MBOAT2: variants seen among roughly 807,000 people sequenced by gnomAD.
The protein encoded by MBOAT2 is membrane-bound glycerophospholipid O-acyltransferase 2.
In MBOAT2, 28 loss-of-function variants were observed where a neutral mutation model predicts 63.4. The observed-to-expected ratio is 0.44, with a 90% CI of 0.33 to 0.61. The LOEUF (loss-of-function observed/expected upper bound fraction) is 0.61, where lower values mean the gene tolerates loss of function less well. Ranked by LOEUF, MBOAT2 falls within the 20% of genes least tolerant of loss-of-function variation. The pLI is 0.03. For synonymous variants in MBOAT2, 211 were observed against 215.6 expected, an observed-to-expected ratio of 0.98 and a Z score of 0.19; for missense variants, 470 against 605.8, an observed-to-expected ratio of 0.78 and a Z score of 2.35.
chr2:8,944,316 G>A (rs1163201529), intron 2 of MBOAT2, among the ~76,000 whole-genome samples: 1 of 152,126 alleles, frequency 6.6e-6, no homozygotes, highest in Non-Finnish European at 1.5e-5. Flanking sequence ...GTCCGTGCAT[G>A]CACACACACT....
chr2:8,897,751 C>T (rs575920018), intron 4 of MBOAT2, among the ~76,000 whole-genome samples: 13 of 152,236 alleles, frequency 8.5e-5, no homozygotes, highest in South Asian at 8.3e-4. Flanking sequence ...TCATCTTGGG[C>T]GGCAAAACTC....
intron 3 of MBOAT2, among the ~76,000 whole-genome samples, chr2:8,913,057 ATC>A (rs1294278246): frequency 1.3e-5 from 2 of 152,202 alleles, no homozygotes; most frequent in East Asian, 3.9e-4. Flanking sequence ...CAGCCAACTG[ATC>A]TTCAACAAAG....
chr2:8,895,720 G>A (rs1664408675), intron 4 of MBOAT2, among the ~76,000 whole-genome samples: 1 of 152,180 alleles, frequency 6.6e-6, no homozygotes, highest in African/African-American at 2.4e-5. Flanking sequence ...GAGCGAAGAA[G>A]GGGCCCTGCA....
chr2:8,872,581 C>T (rs1362222155), intron 8 of MBOAT2, among the ~76,000 whole-genome samples: 1 of 152,156 alleles, frequency 6.6e-6, no homozygotes, highest in Non-Finnish European at 1.5e-5. Context: ...CATAACTGGC[C>T]CACATTCAAT....
At chr2:8,968,454 T>C (rs1340778483) in intron 1 of MBOAT2, among the ~76,000 whole-genome samples, 1 of 152,028 alleles carries the variant, frequency 6.6e-6, no homozygotes, top group Non-Finnish European at 1.5e-5. Context: ...AAGCTGAAAA[T>C]TCTAAAAATC....
At chr2:8,963,870 G>A (rs1669800957) in intron 1 of MBOAT2, among the ~76,000 whole-genome samples, 1 of 152,094 alleles carries the variant, frequency 6.6e-6, no homozygotes. Flanking sequence ...CTAACTGTAG[G>A]TGCTCAGTAG....
intron 2 of MBOAT2, among the ~76,000 whole-genome samples, chr2:8,955,117 C>G (rs73157445): frequency 0.027 from 4,108 of 152,316 alleles, 155 homozygotes; most frequent in African/African-American, 0.086. Context: ...CACTCCAGAG[C>G]AGGTGCTCTA....
chr2:8,877,278 C>T (rs1476593236), intron 6 of MBOAT2, 65 bp from the exon 7 acceptor site: 13 of 1,430,976 alleles, frequency 9.1e-6, no homozygotes, highest in South Asian at 4.0e-5. Flanking sequence ...GATAGAATAA[C>T]GATCCACCTC....
chr2:8,901,100 T>C (rs1233175073), intron 4 of MBOAT2, among the ~76,000 whole-genome samples: 6 of 152,256 alleles, frequency 3.9e-5, no homozygotes, highest in Non-Finnish European at 8.8e-5. Flanking sequence ...CTGATCGGAA[T>C]AGTTGTGCTC....
intron 3 of MBOAT2, among the ~76,000 whole-genome samples, chr2:8,925,053 G>GA (rs1340729096): frequency 2.0e-5 from 3 of 152,080 alleles, no homozygotes; most frequent in Non-Finnish European, 4.4e-5. Flanking sequence ...GAGCAACTGA[G>GA]AAAGATGATC....
intron 1 of MBOAT2, among the ~76,000 whole-genome samples, chr2:8,964,796 A>G (rs1669873059): frequency 6.6e-6 from 1 of 152,204 alleles, no homozygotes; most frequent in Non-Finnish European, 1.5e-5. Context: ...AATATAAAAC[A>G]TTATTTCTCT....
intron 2 of MBOAT2, among the ~76,000 whole-genome samples, chr2:8,957,416 AG>A (rs1256322427): frequency 6.6e-6 from 1 of 152,238 alleles, no homozygotes; most frequent in Non-Finnish European, 1.5e-5. Flanking sequence ...CTACCAGGGC[AG>A]TACCTAGCAC....
At chr2:8,867,505 C>T (rs953689660) in intron 9 of MBOAT2, among the ~76,000 whole-genome samples, 12 of 152,134 alleles carry the variant, frequency 7.9e-5, no homozygotes, top group African/African-American at 2.4e-4. Flanking sequence ...CATGATCTGC[C>T]TCGTGGACAA....
At chr2:8,955,411 A>G (rs1669144701) in intron 2 of MBOAT2, among the ~76,000 whole-genome samples, 1 of 152,176 alleles carries the variant, frequency 6.6e-6, no homozygotes, top group Non-Finnish European at 1.5e-5. Flanking sequence ...CCTCTCTCAC[A>G]TACTGGGGCT....
intron 3 of MBOAT2, among the ~76,000 whole-genome samples, chr2:8,928,922 G>A (rs950064182): frequency 6.6e-6 from 1 of 152,202 alleles, no homozygotes; most frequent in African/African-American, 2.4e-5. Flanking sequence ...GGGACTCTCA[G>A]AGATCTCTGG....
intron 2 of MBOAT2, among the ~76,000 whole-genome samples, chr2:8,953,204 T>C (rs1257723870): frequency 6.6e-6 from 1 of 152,236 alleles, no homozygotes; most frequent in Non-Finnish European, 1.5e-5. Flanking sequence ...AAGAGTCTAG[T>C]TCTCCTTCAC....
chr2:8,867,941 G>A (rs1662019864), intron 9 of MBOAT2, among the ~76,000 whole-genome samples: 1 of 152,168 alleles, frequency 6.6e-6, no homozygotes, highest in African/African-American at 2.4e-5. Flanking sequence ...AATATGGCCT[G>A]TAAGAGTGTG....
chr2:8,866,153 T>C (rs1452098140), intron 9 of MBOAT2, among the ~76,000 whole-genome samples: 1 of 152,162 alleles, frequency 6.6e-6, no homozygotes, highest in Non-Finnish European at 1.5e-5. Flanking sequence ...TTCAGAAAAA[T>C]TAACTCCTTT....
chr2:8,976,780 GT>G, intron 1 of MBOAT2, among the ~76,000 whole-genome samples: 1 of 152,272 alleles, frequency 6.6e-6, no homozygotes, highest in East Asian at 1.9e-4. Context: ...GAAAAAGAAA[GT>G]AGTCTAACTT....
Sources: allele counts gnomAD v4.1 joint callset (sites outside exome capture counted in the v4.1 genomes callset), GRCh38; gene constraint gnomAD v4.1.1; transcripts MANE v1.5; gene names NCBI Gene and HGNC (gene_info 2026-07-23, HGNC 2026-07-21).